The following DAB1 variants were observed in gnomAD, a reference collection of about 807,000 sequenced individuals.
The protein encoded by DAB1 is disabled homolog 1.
DAB1 carries 15 observed loss-of-function variants against 64.6 expected under a neutral mutation model. The observed-to-expected ratio is 0.23, with a 90% CI of 0.16 to 0.36. The LOEUF is 0.36. Ranked by LOEUF, DAB1 falls within the 10% of genes least tolerant of loss-of-function variation. The pLI is 1.00. For synonymous variants in DAB1, 235 were observed against 251.9 expected (o/e 0.93, Z 0.64); for missense variants, 596 against 706.7 (o/e 0.84, Z 1.78).
intron 7 of DAB1, among the ~76,000 whole-genome samples, chr1:57,436,469 C>A (rs1685699560): frequency 6.6e-6 from 1 of 152,174 alleles, no homozygotes; most frequent in South Asian, 2.1e-4. Flanking sequence ...GGGCAGCTAA[C>A]CAGCCCCTAC....
At chr1:58,415,184 G>T (rs1310208751) in intron 3 of DAB1, among the ~76,000 whole-genome samples, 1 of 152,148 alleles carries the variant, frequency 6.6e-6, no homozygotes, top group Non-Finnish European at 1.5e-5. Context: ...CACCATGTGA[G>T]AACATAGCAA....
At chr1:58,300,318 G>C (rs555566193) in intron 4 of DAB1, among the ~76,000 whole-genome samples, 1 of 152,092 alleles carries the variant, frequency 6.6e-6, no homozygotes, top group South Asian at 2.1e-4. Context: ...GGCTGAGACA[G>C]ATGGATCACC....
intron 9 of DAB1, among the ~76,000 whole-genome samples, chr1:57,034,678 A>G (rs1407518187): frequency 6.6e-6 from 1 of 152,246 alleles, no homozygotes; most frequent in African/African-American, 2.4e-5. Context: ...GTTCTAGTCT[A>G]TGTATAAGCT....
intron 2 of DAB1, 40 bp from the exon 3 acceptor site, chr1:57,145,469 A>G: frequency 6.2e-7 from 1 of 1,609,474 alleles, no homozygotes. Context: ...GTAGCTGTGC[A>G]GACCCCAGTG....
At chr1:57,654,091 T>C (rs2101658952) in intron 6 of DAB1, among the ~76,000 whole-genome samples, 1 of 152,364 alleles carries the variant, frequency 6.6e-6, no homozygotes, top group Middle Eastern at 3.4e-3. Flanking sequence ...AATAGTGAGA[T>C]AGAACATTCT....
At chr1:58,455,437 TC>T (rs1645184601) in intron 3 of DAB1, among the ~76,000 whole-genome samples, 1 of 152,170 alleles carries the variant, frequency 6.6e-6, no homozygotes, top group Admixed American at 6.5e-5. Flanking sequence ...TCAGAGATGG[TC>T]CTCAGCAGAG....
intron 3 of DAB1, among the ~76,000 whole-genome samples, chr1:58,473,041 C>G (rs955418888): frequency 3.3e-5 from 5 of 152,140 alleles, no homozygotes; most frequent in Non-Finnish European, 7.4e-5. Flanking sequence ...CCCAGGAAAA[C>G]AAAGTAATTT....
intron 5 of DAB1, among the ~76,000 whole-genome samples, chr1:57,937,943 C>A (rs1230485344): frequency 6.6e-6 from 1 of 152,168 alleles, no homozygotes; most frequent in Admixed American, 6.5e-5. Flanking sequence ...TATCCTTGGG[C>A]CCTGTGCATG....
chr1:57,801,947 T>C (rs1291224206), intron 6 of DAB1, among the ~76,000 whole-genome samples: 2 of 152,202 alleles, frequency 1.3e-5, no homozygotes, highest in East Asian at 3.8e-4. Context: ...TGTGAACCAC[T>C]GCACCGGGCA....
intron 3 of DAB1, among the ~76,000 whole-genome samples, chr1:58,394,417 G>A (rs1022798458): frequency 3.9e-5 from 6 of 152,172 alleles, no homozygotes; most frequent in Admixed American, 6.5e-5. Flanking sequence ...CTGTACATGA[G>A]TGCTCATGGC....
chr1:58,421,170 T>G (rs1644767911), intron 3 of DAB1, among the ~76,000 whole-genome samples: 1 of 152,210 alleles, frequency 6.6e-6, no homozygotes, highest in Non-Finnish European at 1.5e-5. Flanking sequence ...TATGTGTCTA[T>G]TATCACCATC....
intron 5 of DAB1, among the ~76,000 whole-genome samples, chr1:58,084,236 G>A (rs1336884794): frequency 6.6e-6 from 1 of 152,068 alleles, no homozygotes; most frequent in South Asian, 2.1e-4. Flanking sequence ...CTGAAACAAG[G>A]AAAACATCAG....
At chr1:58,492,389 G>A (rs1645712390) in intron 3 of DAB1, among the ~76,000 whole-genome samples, 1 of 151,208 alleles carries the variant, frequency 6.6e-6, no homozygotes, top group African/African-American at 2.4e-5. Flanking sequence ...TCAAAAGCTA[G>A]CAGAAGGCAA....
intron 5 of DAB1, among the ~76,000 whole-genome samples, chr1:57,900,289 G>T (rs1194752106): frequency 1.3e-5 from 2 of 152,188 alleles, no homozygotes; most frequent in Non-Finnish European, 2.9e-5. Context: ...TCTTGGGGGT[G>T]AGCAAGATGG....
At chr1:58,362,873 T>A (rs1394523193) in intron 3 of DAB1, among the ~76,000 whole-genome samples, 1 of 152,244 alleles carries the variant, frequency 6.6e-6, no homozygotes, top group Non-Finnish European at 1.5e-5. Flanking sequence ...TGGGCTTCCA[T>A]AACAAAATAC....
chr1:57,898,094 G>T (rs1228141065), intron 5 of DAB1, among the ~76,000 whole-genome samples: 1 of 152,086 alleles, frequency 6.6e-6, no homozygotes, highest in Non-Finnish European at 1.5e-5. Context: ...CCCTGCAGCT[G>T]GTCCCTACTG....
intron 4 of DAB1, among the ~76,000 whole-genome samples, chr1:58,285,326 A>G (rs926911998): frequency 6.6e-6 from 1 of 152,216 alleles, no homozygotes; most frequent in Admixed American, 6.5e-5. Context: ...AGAGAAAGAA[A>G]TAAAGGGTAT....
At chr1:57,734,121 A>C (rs1647569530) in intron 6 of DAB1, among the ~76,000 whole-genome samples, 2 of 152,170 alleles carry the variant, frequency 1.3e-5, no homozygotes, top group East Asian at 3.9e-4. Flanking sequence ...TAAAAAAAAA[A>C]ATCCAGTCTT....
At chr1:57,590,254 T>C (rs1180346785) in intron 7 of DAB1, among the ~76,000 whole-genome samples, 2 of 152,144 alleles carry the variant, frequency 1.3e-5, no homozygotes, top group African/African-American at 4.8e-5. Flanking sequence ...ACTAGTCATA[T>C]TGGACTATGG....
Sources: gnomAD v4.1 joint callset for allele counts (sites outside exome capture counted in the v4.1 genomes callset) on GRCh38, gnomAD v4.1.1 for gene constraint, MANE v1.5 for transcripts, NCBI Gene and HGNC (gene_info 2026-07-23, HGNC 2026-07-21) for gene names.